The following EFCAB11 variants were observed in gnomAD, a reference collection of about 807,000 sequenced individuals.
EFCAB11 encodes EF-hand calcium-binding domain-containing protein 11.
EFCAB11 carries 14 observed loss-of-function variants against 23.0 expected under a neutral mutation model. The observed-to-expected ratio is 0.61, with a 90% CI of 0.40 to 0.95. EFCAB11 has a LOEUF of 0.95. EFCAB11 is among the 40% of genes least tolerant of loss of function. The pLI is 0.00. For synonymous variants in EFCAB11, 65 were observed against 66.6 expected (o/e 0.98, Z 0.11); for missense variants, 198 against 195.8 (o/e 1.01, Z -0.07).
At chr14:89,822,817 C>G (rs1046717693) in intron 5 of EFCAB11, among the ~76,000 whole-genome samples, 2 of 152,134 alleles carry the variant, frequency 1.3e-5, no homozygotes, top group Admixed American at 6.5e-5. Flanking sequence ...AGAAATAGGG[C>G]TAAATCAGTC....
chr14:89,807,088 T>C (rs991687294), intron 5 of EFCAB11, among the ~76,000 whole-genome samples: 4 of 152,226 alleles, frequency 2.6e-5, no homozygotes, highest in African/African-American at 7.2e-5. Flanking sequence ...CAGTATCATC[T>C]TGAACTTGAT....
intron 5 of EFCAB11, among the ~76,000 whole-genome samples, chr14:89,845,697 T>C (rs556936706): frequency 3.9e-5 from 6 of 152,238 alleles, no homozygotes; most frequent in African/African-American, 1.4e-4. Flanking sequence ...AAGGGCACTG[T>C]CTTAGGTGAG....
intron 3 of EFCAB11, among the ~76,000 whole-genome samples, chr14:89,937,276 AGAG>A (rs1228460126): frequency 2.0e-5 from 3 of 152,328 alleles, no homozygotes; most frequent in South Asian, 2.1e-4. Context: ...CCTCATGTGT[AGAG>A]GAGATGAAGG....
At chr14:89,857,324 A>C (rs184201844) in intron 5 of EFCAB11, among the ~76,000 whole-genome samples, 1 of 152,208 alleles carries the variant, frequency 6.6e-6, no homozygotes, top group Non-Finnish European at 1.5e-5. Flanking sequence ...ACAGATACAG[A>C]CCAAAAAGTG....
rs1381867190 is a variant in EFCAB11 at position 89,932,525 on chromosome 14, C to T, written c.319+1G>A. ...CATCAAAACACTTTAGAGACACTTACAGTAGGTGTCAAAGGCTGTGAAGAT... is the reference window on the plus strand; with the variant it reads ...CATCAAAACACTTTAGAGACACTTATAGTAGGTGTCAAAGGCTGTGAAGAT... On this transcript the variant is annotated splice_donor_variant, in intron 4 of 5. Coordinates refer to ENST00000316738, the MANE Select transcript of EFCAB11 (RefSeq NM_145231.4). LOFTEE classifies it high-confidence loss of function. 3.1e-6 allele frequency: 5 copies of T among 1,612,492 alleles called. No individual in the cohort carries two copies. Among genetic ancestry groups the T allele is most frequent in the Non-Finnish European group, 4.2e-6 (5 of 1,179,068 alleles).
intron 5 of EFCAB11, among the ~76,000 whole-genome samples, chr14:89,916,721 A>G (rs1889856274): frequency 2.0e-5 from 3 of 152,236 alleles, no homozygotes; most frequent in Admixed American, 6.5e-5. Context: ...GGAGAGAACA[A>G]GAGTGAGACC....
chr14:89,878,787 G>C (rs1888517038), intron 5 of EFCAB11, among the ~76,000 whole-genome samples: 1 of 151,988 alleles, frequency 6.6e-6, no homozygotes, highest in East Asian at 1.9e-4. Flanking sequence ...AAACTTCTTT[G>C]AGGTCTAAAT....
intron 3 of EFCAB11, 130 bp from the exon 4 acceptor site, chr14:89,932,757 T>G (rs1317729961): frequency 1.3e-6 from 1 of 757,666 alleles, no homozygotes; most frequent in African/African-American, 1.8e-5. Flanking sequence ...GAACAGTATT[T>G]ACTCAAGATC....
chr14:89,830,172 GGTAAA>G (rs1347525886), intron 5 of EFCAB11: 4 of 152,132 alleles, frequency 2.6e-5, no homozygotes, highest in Admixed American at 2.0e-4. Flanking sequence ...ACCTAGATTA[GGTAAA>G]GTATCAAGTA....
intron 5 of EFCAB11, among the ~76,000 whole-genome samples, chr14:89,802,976 TG>T (rs1477328391): frequency 6.6e-6 from 1 of 152,178 alleles, no homozygotes; most frequent in Non-Finnish European, 1.5e-5. Flanking sequence ...GACAATGCTC[TG>T]ATATAGCAGA....
chr14:89,835,953 A>G (rs1396825158), intron 5 of EFCAB11, among the ~76,000 whole-genome samples: 1 of 152,076 alleles, frequency 6.6e-6, no homozygotes, highest in Non-Finnish European at 1.5e-5. Flanking sequence ...TATTGCAGAC[A>G]CTCAACAACC....
At position 89,794,798 on chromosome 14, in the gene EFCAB11, T is replaced by A. The variant is rs1177552506; in HGVS notation, c.*2445A>T. On this transcript the variant is annotated 3_prime_UTR_variant, in exon 6 of 6. Coordinates refer to ENST00000316738, the MANE Select transcript of EFCAB11 (RefSeq NM_145231.4). ...TGAATTTTTAATTTTAGAATAGTTTTAGATTTATAGAAAAATTGTGAAAAT... is the reference window on the plus strand; with the variant it reads ...TGAATTTTTAATTTTAGAATAGTTTAAGATTTATAGAAAAATTGTGAAAAT... 1 of 152,138 alleles carries A rather than the reference T, an allele frequency of 6.6e-6. No individual in the cohort carries two copies. The highest frequency in any genetic ancestry group is 6.5e-5 in the Admixed American group (1 of 15,272). The allele number at this position is 152,138 out of a possible 1,614,324, so 9.4% of individuals were successfully genotyped here. A position where few individuals can be genotyped will look rare whatever the true frequency, so the allele number is the denominator to read the frequency against.
chr14:89,899,828 T>C (rs867269887), intron 5 of EFCAB11, among the ~76,000 whole-genome samples: 9 of 152,282 alleles, frequency 5.9e-5, no homozygotes, highest in African/African-American at 2.2e-4. Context: ...CAAGTGCTGG[T>C]GAGTATATGG....
At chr14:89,804,558 C>T (rs990884386) in intron 5 of EFCAB11, among the ~76,000 whole-genome samples, 30 of 152,290 alleles carry the variant, frequency 2.0e-4, no homozygotes, top group Admixed American at 1.9e-3. Context: ...AACCTGTACA[C>T]AAGCCCCCAT....
intron 5 of EFCAB11, among the ~76,000 whole-genome samples, chr14:89,897,798 CTT>C (rs1250646324): frequency 2.0e-5 from 3 of 152,076 alleles, no homozygotes; most frequent in Non-Finnish European, 4.4e-5. Flanking sequence ...TTTATGCAAA[CTT>C]AATATGCCAT....
intron 5 of EFCAB11, among the ~76,000 whole-genome samples, chr14:89,798,419 T>C (rs1157364868): frequency 6.6e-6 from 1 of 152,276 alleles, no homozygotes; most frequent in Non-Finnish European, 1.5e-5. Context: ...ACCAAAAGCA[T>C]AGTGTCAGAT....
intron 5 of EFCAB11, among the ~76,000 whole-genome samples, chr14:89,802,207 TAAAA>T (rs35720736): frequency 7.3e-6 from 1 of 136,088 alleles, no homozygotes. Flanking sequence ...CCAAGTTACT[TAAAA>T]AAAAAAAAAA....
At chr14:89,851,230 A>G (rs906299432) in intron 5 of EFCAB11, among the ~76,000 whole-genome samples, 5 of 152,208 alleles carry the variant, frequency 3.3e-5, no homozygotes, top group African/African-American at 1.2e-4. Context: ...CAGCCTTTGT[A>G]CATCTCCCTC....
intron 2 of EFCAB11, among the ~76,000 whole-genome samples, chr14:89,953,350 C>A (rs937232615): frequency 6.6e-6 from 1 of 152,078 alleles, no homozygotes; most frequent in Non-Finnish European, 1.5e-5. Flanking sequence ...AAAGTAGGCA[C>A]AATATTTACC....
Sources: gnomAD v4.1 joint callset for allele counts (sites outside exome capture counted in the v4.1 genomes callset) on GRCh38, gnomAD v4.1.1 for gene constraint, MANE v1.5 for transcripts, NCBI Gene and HGNC (gene_info 2026-07-23, HGNC 2026-07-21) for gene names.